Variants in RASGRF2 observed in about 807,000 individuals in gnomAD.
RASGRF2 encodes the protein Ras protein specific guanine nucleotide releasing factor 2.
A neutral mutation model predicts 151.0 loss-of-function variants in RASGRF2; 76 were observed. That is an observed-to-expected ratio of 0.50 (90% confidence interval 0.42 to 0.61). The LOEUF is 0.61. RASGRF2 is among the 20% of genes least tolerant of loss of function. The pLI, the probability that RASGRF2 is intolerant of heterozygous loss-of-function variation, is 0.00. For missense variants in RASGRF2, 1,148 were observed against 1,564.6 expected, an observed-to-expected ratio of 0.73 and a Z score of 4.49; for synonymous variants, 504 against 566.5, an observed-to-expected ratio of 0.89 and a Z score of 1.57.
chr5:80,982,738 C>A (rs1209704305), intron 1 of RASGRF2, among the ~76,000 whole-genome samples: 2 of 151,726 alleles, frequency 1.3e-5, no homozygotes, highest in Non-Finnish European at 2.9e-5. Context: ...GTAGCTGGGA[C>A]TACAAGTGCC....
At chr5:81,089,419 AC>A (rs1752330828) in intron 9 of RASGRF2, among the ~76,000 whole-genome samples, 1 of 152,192 alleles carries the variant, frequency 6.6e-6, no homozygotes, top group Admixed American at 6.5e-5. Context: ...CTAGAAAAAT[AC>A]GTCATCCAGA....
chr5:81,040,630 A>T (rs958015098), intron 1 of RASGRF2, among the ~76,000 whole-genome samples: 2 of 149,962 alleles, frequency 1.3e-5, no homozygotes, highest in Non-Finnish European at 3.0e-5. Flanking sequence ...GGCCAAGACC[A>T]TGGGGGCCAA....
At chr5:81,049,692 A>G (rs549120839) in intron 2 of RASGRF2, among the ~76,000 whole-genome samples, 7 of 152,300 alleles carry the variant, frequency 4.6e-5, no homozygotes, top group African/African-American at 1.4e-4. Flanking sequence ...TGCTATGTGC[A>G]TGATATCTCA....
intron 19 of RASGRF2, among the ~76,000 whole-genome samples, chr5:81,201,687 G>A (rs1432079083): frequency 2.6e-5 from 4 of 152,164 alleles, no homozygotes; most frequent in Admixed American, 6.5e-5. Context: ...GGCAGACAGC[G>A]GTTTACTATA....
In RASGRF2 at chr5:81,028,879, C is replaced by T. The variant is rs190059740; in HGVS notation, c.289-13998C>T. Among the ~76,000 whole-genome samples, 347 of 152,224 alleles carry T rather than the reference C, an allele frequency of 2.3e-3. 2 individuals carry two copies. The highest frequency in any genetic ancestry group is 6.8e-3 in the Middle Eastern group (2 of 294). On this transcript the variant is annotated intron_variant, in intron 1 of 26. Transcript: ENST00000265080. ...ACCTCACCCGGGAAGTGCAAGGGGT[C>T]GGGGAATTCCCTTTCCTAGCCAAGG...
intron 1 of RASGRF2, among the ~76,000 whole-genome samples, chr5:81,032,476 G>A (rs993189027): frequency 5.3e-5 from 8 of 152,222 alleles, no homozygotes; most frequent in African/African-American, 1.7e-4. Context: ...TCCCTGGGAT[G>A]CAAGGCTGGT....
intron 18 of RASGRF2, among the ~76,000 whole-genome samples, chr5:81,198,661 G>A (rs1755322797): frequency 6.6e-6 from 1 of 152,086 alleles, no homozygotes; most frequent in African/African-American, 2.4e-5. Context: ...GGATGGTCTC[G>A]ATCTCCTGAC....
chr5:81,037,516 G>C (rs1362142707), intron 1 of RASGRF2, among the ~76,000 whole-genome samples: 1 of 152,064 alleles, frequency 6.6e-6, no homozygotes, highest in Non-Finnish European at 1.5e-5. Context: ...ATTTCATGAT[G>C]ATGTCCCTTT....
Position 81,206,889 on chromosome 5 carries a change from A to G in RASGRF2, c.2951A>G (p.Glu984Gly). The G allele has an allele frequency of 6.2e-7, 1 of 1,609,078 alleles. No individual in the cohort carries two copies. The highest frequency in any genetic ancestry group is 8.5e-7 in the Non-Finnish European group (1 of 1,175,328). The change falls in exon 20 of 27, where the codon GAG becomes GGG. Residue 984 changes from glutamate to glycine, a missense_variant. Glu to Gly is a moderately conservative substitution (Grantham distance 98). Transcript: ENST00000265080. ...DDQDDIHLKLEDIIQMTDCMK... is the reference protein window; with the variant it reads ...DDQDDIHLKLGDIIQMTDCMK... ...CAAGATGACATCCACCTAAAATTAG[A>G]GGATATAATTCAAATGGTAAGTCTG...
intron 2 of RASGRF2, among the ~76,000 whole-genome samples, chr5:81,056,929 T>C (rs953257073): frequency 6.6e-6 from 1 of 152,210 alleles, no homozygotes; most frequent in Non-Finnish European, 1.5e-5. Flanking sequence ...AAGTCTGTTT[T>C]ATCAGAGACT....
intron 1 of RASGRF2, among the ~76,000 whole-genome samples, chr5:80,992,991 C>T (rs775218885): frequency 2.6e-5 from 4 of 152,086 alleles, no homozygotes; most frequent in African/African-American, 4.8e-5. Context: ...GGCTGAGACT[C>T]GAAAGAAACA....
At chr5:81,103,332 A>G (rs1752754097) in intron 12 of RASGRF2, among the ~76,000 whole-genome samples, 2 of 152,080 alleles carry the variant, frequency 1.3e-5, no homozygotes, top group African/African-American at 4.8e-5. Flanking sequence ...ATAGATAGAT[A>G]TAGATATAGC....
intron 1 of RASGRF2, among the ~76,000 whole-genome samples, chr5:81,039,900 C>T (rs895305789): frequency 6.6e-6 from 1 of 152,132 alleles, no homozygotes; most frequent in Non-Finnish European, 1.5e-5. Context: ...TTCCGGATTT[C>T]GAGTCCTAGT....
chr5:81,068,273 C>T (rs1375324568), intron 3 of RASGRF2, 94 bp downstream of exon 3: 5 of 1,410,148 alleles, frequency 3.5e-6, no homozygotes, highest in African/African-American at 2.9e-5. Flanking sequence ...ACATTTTAAT[C>T]CCAGGCTGAC....
intron 12 of RASGRF2, among the ~76,000 whole-genome samples, chr5:81,098,200 A>G (rs908529070): frequency 3.3e-5 from 5 of 152,226 alleles, no homozygotes; most frequent in Admixed American, 2.6e-4. Context: ...GGCCTGAGCA[A>G]CTGGAAGGAT....
At chr5:81,217,571 C>CTCCTTTTTTTTTTTTTTTT (rs1561265124) in intron 25 of RASGRF2, 98 bp downstream of exon 25, 1 of 360,392 alleles carries the variant, frequency 2.8e-6, no homozygotes, top group African/African-American at 3.0e-5. Context: ...TTTTTTTTCT[C>CTCCTTTTTTTTTTTTTTTT]TTCTTTTTTT....
At chr5:81,057,607 G>A (rs1751266269) in intron 2 of RASGRF2, among the ~76,000 whole-genome samples, 2 of 151,930 alleles carry the variant, frequency 1.3e-5, no homozygotes, top group African/African-American at 2.4e-5. Flanking sequence ...GTGATGCTTC[G>A]GTACACACAT....
At chr5:80,983,057 G>T (rs999845336) in intron 1 of RASGRF2, among the ~76,000 whole-genome samples, 5 of 152,128 alleles carry the variant, frequency 3.3e-5, no homozygotes, top group Non-Finnish European at 5.9e-5. Context: ...TTTTGAAACG[G>T]GTTAGGACAG....
intron 1 of RASGRF2, among the ~76,000 whole-genome samples, chr5:80,979,681 T>C (rs1748236237): frequency 6.6e-6 from 1 of 152,232 alleles, no homozygotes; most frequent in South Asian, 2.1e-4. Context: ...TCAAAGATCT[T>C]TGCTGCATGT....
Sources: gnomAD v4.1 joint callset for allele counts (sites outside exome capture counted in the v4.1 genomes callset) on GRCh38, gnomAD v4.1.1 for gene constraint, MANE v1.5 for transcripts, NCBI Gene and HGNC (gene_info 2026-07-23, HGNC 2026-07-21) for gene names.